The following BANP variants were observed in gnomAD, a reference collection of about 807,000 sequenced individuals.
BANP encodes the protein protein BANP.
A neutral mutation model predicts 68.1 loss-of-function variants in BANP; 11 were observed. The ratio of observed to expected loss-of-function variants is 0.16; its 90% CI spans 0.10 to 0.27. BANP has a LOEUF of 0.27. Among genes scored for constraint, BANP ranks in the 10% least tolerant of loss-of-function variants. BANP has a pLI of 1.00. For missense variants in BANP, 504 were observed against 722.7 expected (o/e 0.70, Z 3.47); for synonymous variants, 329 against 303.2 (o/e 1.09, Z -0.88).
intron 11 of BANP, among the ~76,000 whole-genome samples, chr16:88,063,215 T>C (rs2087395372): frequency 6.6e-6 from 1 of 152,238 alleles, no homozygotes; most frequent in African/African-American, 2.4e-5. Context: ...CCTTGTGGTA[T>C]CTGCTGACCC....
chr16:87,987,227 C>T (rs1238202698), intron 4 of BANP, among the ~76,000 whole-genome samples: 1 of 152,018 alleles, frequency 6.6e-6, no homozygotes, highest in Non-Finnish European at 1.5e-5. Flanking sequence ...TACAGGCATG[C>T]ACCACGCCGC....
In BANP at chr16:88,018,826, G is replaced by C; in HGVS notation, c.895+159G>C. 6.6e-6 allele frequency among the ~76,000 whole-genome samples: 1 copy of C among 152,192 alleles called. No homozygotes were observed. The highest frequency in any genetic ancestry group is 1.9e-4 in the East Asian group (1 of 5,196). ...CCCGAGGATCAGTGCTCGAGGGGAT[G>C]GATGAGCTGTTGACCCTGATGTGCT... On this transcript the variant is annotated intron_variant, in intron 7 of 13. Transcript: ENST00000682872. The surrounding 1 kb of genome is among the most constrained non-coding windows in gnomAD (Gnocchi z 7.7).
intron 11 of BANP, among the ~76,000 whole-genome samples, chr16:88,063,902 G>A (rs992650153): frequency 1.3e-5 from 2 of 152,180 alleles, no homozygotes; most frequent in African/African-American, 4.8e-5. Context: ...AGTAGAAAAT[G>A]TTCTCAACTG....
chr16:88,012,743 T>C (rs951028908), intron 6 of BANP, among the ~76,000 whole-genome samples: 7 of 152,224 alleles, frequency 4.6e-5, no homozygotes, highest in African/African-American at 1.4e-4. Context: ...GAATTATTCT[T>C]TCATCTGTTC....
At chr16:88,048,069 C>G (rs2082405704) in intron 11 of BANP, among the ~76,000 whole-genome samples, 1 of 152,224 alleles carries the variant, frequency 6.6e-6, no homozygotes, top group African/African-American at 2.4e-5. Flanking sequence ...GGCCCTCTGA[C>G]TTGTGTGGCT....
intron 7 of BANP, among the ~76,000 whole-genome samples, chr16:88,021,843 G>A (rs1438926593): frequency 6.6e-6 from 1 of 152,188 alleles, no homozygotes; most frequent in Non-Finnish European, 1.5e-5. Context: ...GGCAGCTCAC[G>A]AGGGAGAAGA....
At chr16:88,070,154 A>G (rs1195736160) in intron 12 of BANP, among the ~76,000 whole-genome samples, 2 of 152,196 alleles carry the variant, frequency 1.3e-5, no homozygotes, top group African/African-American at 4.8e-5. Flanking sequence ...ACAGCACACA[A>G]AATACCTGCT....
intron 11 of BANP, among the ~76,000 whole-genome samples, chr16:88,043,591 T>C (rs1309629837): frequency 6.6e-6 from 1 of 152,236 alleles, no homozygotes; most frequent in Non-Finnish European, 1.5e-5. Flanking sequence ...AGAGGTGTTA[T>C]TGTATTGCCC....
intron 8 of BANP, among the ~76,000 whole-genome samples, chr16:88,029,466 C>A (rs2077673319): frequency 6.6e-6 from 1 of 151,802 alleles, no homozygotes; most frequent in Non-Finnish European, 1.5e-5. Context: ...AAAAAATTAG[C>A]CGGGCGTGGT....
At chr16:87,977,816 G>C (rs1598013113) in intron 2 of BANP, among the ~76,000 whole-genome samples, 2 of 149,714 alleles carry the variant, frequency 1.3e-5, no homozygotes, top group African/African-American at 5.0e-5. Flanking sequence ...CATCAGGCCT[G>C]TCACTGCAGT....
At chr16:87,990,784 A>T (rs1346407617) in intron 4 of BANP, among the ~76,000 whole-genome samples, 3 of 151,840 alleles carry the variant, frequency 2.0e-5, no homozygotes. Context: ...GTTTTTTGAG[A>T]TGGAGTCTCC....
intron 13 of BANP, among the ~76,000 whole-genome samples, chr16:88,076,315 C>T (rs1344096417): frequency 6.6e-6 from 1 of 151,184 alleles, no homozygotes; most frequent in Admixed American, 6.6e-5. Flanking sequence ...GGAGCAGCTG[C>T]TGCGCCGGCC....
At chr16:88,014,597 G>A (rs2074035166) in intron 6 of BANP, among the ~76,000 whole-genome samples, 1 of 152,054 alleles carries the variant, frequency 6.6e-6, no homozygotes, top group Admixed American at 6.6e-5. Flanking sequence ...GTGTGTTTGA[G>A]CACTGTTAAT....
At position 88,070,156 on chromosome 16, in the gene BANP, AT is replaced by A. The variant is rs541489193; in HGVS notation, c.1378-1912del. On this transcript the variant is annotated intron_variant, in intron 12 of 13. Transcript: ENST00000682872. ...GGTGATGGTACACACAGCACACAAA[AT>A]ACCTGCTCATTGACCACTATCAGTA... Among the ~76,000 whole-genome samples, 11 of 152,286 alleles carry A rather than the reference AT, an allele frequency of 7.2e-5. No individual in the cohort carries two copies. The South Asian group carries it at 2.1e-3, about 29-fold the overall frequency.
In BANP at chr16:87,953,044, C is replaced by G. The variant is rs149816642; in HGVS notation, c.-69+1529C>G. 7.4e-3 allele frequency among the ~76,000 whole-genome samples: 1,134 copies of G among 152,248 alleles called. 8 individuals are homozygous for G. The highest frequency in any genetic ancestry group is 0.013 in the Non-Finnish European group (878 of 68,026). On this transcript the variant is annotated intron_variant, in intron 1 of 13. Transcript: ENST00000682872. ...GTGATTCCACGCTGCGTGGGGGCAG[C>G]TCAACATCTCGGGTGCTTCATCATG...
intron 11 of BANP, among the ~76,000 whole-genome samples, chr16:88,050,302 C>T (rs372813095): frequency 1.2e-4 from 19 of 152,008 alleles, no homozygotes; most frequent in Admixed American, 9.2e-4. Context: ...GACCACAGCT[C>T]GGGCTACCAC....
At chr16:88,006,855 G>A (rs986920623) in intron 6 of BANP, among the ~76,000 whole-genome samples, 1 of 151,400 alleles carries the variant, frequency 6.6e-6, no homozygotes, top group African/African-American at 2.4e-5. Context: ...GGGAGGCTGA[G>A]GCGGGAGAAT....
chr16:88,050,677 G>T (rs78954394), intron 11 of BANP, among the ~76,000 whole-genome samples: 2,958 of 152,120 alleles, frequency 0.019, 93 homozygotes, highest in African/African-American at 0.067. Flanking sequence ...GGTGTGTATT[G>T]GCTGTTTTTT....
At chr16:88,046,990 C>T (rs570832786) in intron 11 of BANP, among the ~76,000 whole-genome samples, 9 of 151,810 alleles carry the variant, frequency 5.9e-5, no homozygotes, top group Admixed American at 2.0e-4. Flanking sequence ...GGTGTGGACC[C>T]GGGAGGTGGA....
Sources: gnomAD v4.1 joint callset for allele counts (sites outside exome capture counted in the v4.1 genomes callset) on GRCh38, gnomAD v4.1.1 for gene constraint, Gnocchi (gnomAD v3.1) non-coding constraint, MANE v1.5 for transcripts, NCBI Gene and HGNC (gene_info 2026-07-23, HGNC 2026-07-21) for gene names.